SNX8: variants seen among roughly 807,000 people sequenced by gnomAD.
SNX8 encodes the protein sorting nexin-8.
SNX8 carries 25 observed loss-of-function variants against 51.6 expected under a neutral mutation model. The ratio of observed to expected loss-of-function variants is 0.48; its 90% CI spans 0.35 to 0.68. The LOEUF is 0.68. Among genes scored for constraint, SNX8 ranks in the 30% least tolerant of loss-of-function variants. The pLI, the probability that SNX8 is intolerant of heterozygous loss-of-function variation, is 0.00. For synonymous variants in SNX8, 324 were observed against 277.0 expected (o/e 1.17, Z -1.68); for missense variants, 695 against 624.0 (o/e 1.11, Z -1.21).
At chr7:2,291,107 G>C (rs1796140827) in intron 1 of SNX8, among the ~76,000 whole-genome samples, 1 of 151,898 alleles carries the variant, frequency 6.6e-6, no homozygotes, top group African/African-American at 2.4e-5. Flanking sequence ...ACCAACCTGG[G>C]CAACACAGCA....
intron 4 of SNX8, 62 bp from the exon 5 acceptor site, chr7:2,269,701 G>A (rs749995706): frequency 8.8e-7 from 1 of 1,137,778 alleles, no homozygotes; most frequent in Non-Finnish European, 1.3e-6. Context: ...CTGCTGTGGG[G>A]TATGGGTCAC....
intron 1 of SNX8, among the ~76,000 whole-genome samples, chr7:2,325,289 C>T (rs534050108): frequency 1.3e-5 from 2 of 152,142 alleles, no homozygotes; most frequent in African/African-American, 4.8e-5. Flanking sequence ...TGTAGGCATG[C>T]ACCATCACGC....
rs573932187 is a variant in SNX8, at chr7:2,331,503, A to G, written c.-66+22719T>C. On this transcript the variant is annotated intron_variant, in intron 1 of 5. Transcript: ENST00000435336. ...GGCAGATCACGAGGTCAGGAGATCA[A>G]GACCATCCTGGCTAACACGGTGAAA... Among the ~76,000 whole-genome samples the G allele has an allele frequency of 2.0e-4, 31 of 152,076 alleles. 1 individual carries two copies. Among genetic ancestry groups the G allele is most frequent in the East Asian group, 1.7e-3 (9 of 5,148 alleles).
intron 1 of SNX8, among the ~76,000 whole-genome samples, chr7:2,289,569 AACC>A (rs1455019491): frequency 1.3e-5 from 2 of 151,734 alleles, no homozygotes; most frequent in African/African-American, 4.8e-5. Flanking sequence ...TTTACGTTAT[AACC>A]ACCGTTCCAT....
rs147853805 is a variant in SNX8 at position 2,295,592 on chromosome 7, CAAAAAAAAAAAA to C, written c.95-17299_95-17288del. ...TGGTGGCAGGCGCCTGTAATCCCAG[CAAAAAAAAAAAA>C]AAAAAAAAAAAAAAGGAAATGTGTT... On this transcript the variant is annotated intron_variant, in intron 1 of 10. Coordinates refer to ENST00000222990, the MANE Select transcript of SNX8 (RefSeq NM_013321.4). 5.9e-3 allele frequency among the ~76,000 whole-genome samples: 553 copies of C among 93,566 alleles called. 1 individual carries two copies. The highest frequency in any genetic ancestry group is 0.024 in the African/African-American group (504 of 20,834). The allele number at this position is 93,566 out of a possible 152,430, so 61.4% of individuals were successfully genotyped here. A position where few individuals can be genotyped will look rare whatever the true frequency, so the allele number is the denominator to read the frequency against.
At chr7:2,290,791 G>A (rs1158791993) in intron 1 of SNX8, among the ~76,000 whole-genome samples, 1 of 152,114 alleles carries the variant, frequency 6.6e-6, no homozygotes, top group Non-Finnish European at 1.5e-5. Context: ...TGAGTCCCGA[G>A]AGTGACCTCC....
chr7:2,261,943 T>G (rs10447541), intron 7 of SNX8, among the ~76,000 whole-genome samples: 45,039 of 152,168 alleles, frequency 0.3, 8,135 homozygotes, highest in East Asian at 0.57. Flanking sequence ...ACGGGCACAC[T>G]CTGATCACTC....
intron 1 of SNX8, among the ~76,000 whole-genome samples, chr7:2,308,757 T>C (rs1796602162): frequency 6.6e-6 from 1 of 150,936 alleles, no homozygotes; most frequent in Non-Finnish European, 1.5e-5. Flanking sequence ...TGGGGCATAA[T>C]TTAATCACCA....
chr7:2,278,431 C>CT, intron 1 of SNX8, 126 bp from the exon 2 acceptor site: 1 of 607,648 alleles, frequency 1.6e-6, no homozygotes, highest in Non-Finnish European at 2.9e-6. Flanking sequence ...ATCACTTGAG[C>CT]CCTGGAGTTC....
intron 1 of SNX8, among the ~76,000 whole-genome samples, chr7:2,349,347 T>C (rs1001576801): frequency 1.3e-5 from 2 of 152,146 alleles, no homozygotes; most frequent in Non-Finnish European, 2.9e-5. Flanking sequence ...TCACCACCAC[T>C]ATCTCCCAAA....
chr7:2,347,509 A>AG (rs1313426284), intron 1 of SNX8, among the ~76,000 whole-genome samples: 1 of 150,438 alleles, frequency 6.6e-6, no homozygotes, highest in Non-Finnish European at 1.5e-5. Context: ...AGAAAAAAAA[A>AG]AGAGCCTTTG....
At chr7:2,274,507 C>T (rs542745730) in intron 3 of SNX8, among the ~76,000 whole-genome samples, 2 of 152,336 alleles carry the variant, frequency 1.3e-5, no homozygotes, top group Non-Finnish European at 2.9e-5. Context: ...GCTCTGCAGC[C>T]CAGGGGGACA....
At chr7:2,258,186 A>G (rs1795242982) in intron 7 of SNX8, among the ~76,000 whole-genome samples, 1 of 150,128 alleles carries the variant, frequency 6.7e-6, no homozygotes. Context: ...AATTTTTTGT[A>G]TTTCTTTTTT....
intron 1 of SNX8, among the ~76,000 whole-genome samples, chr7:2,345,604 G>A (rs1400345336): frequency 6.6e-6 from 1 of 151,868 alleles, no homozygotes; most frequent in African/African-American, 2.4e-5. Flanking sequence ...CTTGAACCCA[G>A]GAGGTGGAGG....
rs373895653 is a variant in SNX8 at position 2,340,291 on chromosome 7, C to T, written c.-66+13931G>A. On this transcript the variant is annotated intron_variant, in intron 1 of 5. Coordinates refer to the SNX8 transcript ENST00000435336. ...TTCTCCATGTTGGTCAGGCTGGTCT[C>T]GAACTCCCGACCTCACGTGATCTGC... is the stretch of plus-strand genomic sequence containing the variant. Among the ~76,000 whole-genome samples, 7 of 151,126 alleles carry T rather than the reference C, an allele frequency of 4.6e-5. No individual in the cohort carries two copies. In the East Asian group the frequency reaches 5.9e-4, roughly 13 times the overall value.
chr7:2,273,201 C>T (rs1299174388), intron 3 of SNX8, among the ~76,000 whole-genome samples: 2 of 152,016 alleles, frequency 1.3e-5, no homozygotes, highest in Admixed American at 1.3e-4. Flanking sequence ...GTAATCCCAG[C>T]CTCTTGGGAG....
chr7:2,331,224 AAATT>A (rs1017335562), intron 1 of SNX8, among the ~76,000 whole-genome samples: 10 of 151,026 alleles, frequency 6.6e-5, no homozygotes, highest in African/African-American at 2.4e-4. Context: ...AAAGAAAAGA[AAATT>A]AATTCATAAC....
chr7:2,295,592 CAAAAAAAA>C (rs147853805), intron 1 of SNX8, among the ~76,000 whole-genome samples: 2 of 93,542 alleles, frequency 2.1e-5, no homozygotes, highest in Non-Finnish European at 4.3e-5. Context: ...GTAATCCCAG[CAAAAAAAA>C]AAAAAAAAAA....
intron 1 of SNX8, among the ~76,000 whole-genome samples, chr7:2,332,529 G>A (rs569654889): frequency 6.6e-6 from 1 of 152,182 alleles, no homozygotes; most frequent in Admixed American, 6.6e-5. Context: ...CGAAGTAGGA[G>A]TATCACTTGA....
Sources: gnomAD v4.1 joint callset for allele counts (sites outside exome capture counted in the v4.1 genomes callset) on GRCh38, gnomAD v4.1.1 for gene constraint, MANE v1.5 for transcripts, NCBI Gene and HGNC (gene_info 2026-07-23, HGNC 2026-07-21) for gene names.